Variants in SLC35B1 observed in about 807,000 individuals in gnomAD.
SLC35B1 encodes solute carrier family 35 member B1.
SLC35B1 carries 27 observed loss-of-function variants against 36.6 expected under a neutral mutation model. That is an observed-to-expected ratio of 0.74 (90% CI 0.54 to 1.02). The LOEUF is 1.02. SLC35B1 is among the 50% of genes least tolerant of loss of function. SLC35B1 has a pLI of 0.00. For synonymous variants in SLC35B1, 162 were observed against 152.5 expected (o/e 1.06, Z -0.46); for missense variants, 321 against 383.2 (o/e 0.84, Z 1.35).
In SLC35B1 at chr17:49,706,346, C is replaced by CAAGAAAAAA. The variant is rs2073417369; in HGVS notation, c.209-13_209-12insTTTTTTCTT. 2.7e-6 allele frequency: 2 copies of CAAGAAAAAA among 733,612 alleles called. No individual in the cohort carries two copies. Among genetic ancestry groups the CAAGAAAAAA allele is most frequent in the Non-Finnish European group, 3.3e-6 (2 of 601,618 alleles). The allele number at this position is 733,612 out of a possible 1,614,324, so 45.4% of individuals were successfully genotyped here. A position where few individuals can be genotyped will look rare whatever the true frequency, so the allele number is the denominator to read the frequency against. On this transcript the variant is annotated splice_polypyrimidine_tract_variant and intron_variant, in intron 2 of 8. Coordinates refer to ENST00000240333, the MANE Select transcript of SLC35B1 (RefSeq NM_005827.4). ...AAAAAACTGGATCACTGGGAGAAGA[C>CAAGAAAAAA]AAAAAAAAAAAAAAAAAAAGAAAAG...
chr17:49,708,125 C>A (rs1254563390), upstream of SLC35B1: 2 of 702,914 alleles, frequency 2.8e-6, no homozygotes, highest in Admixed American at 4.1e-5. Context: ...CGAGACTGAT[C>A]CCTCGCCCTG....
At chr17:49,701,583 G>A in intron 8 of SLC35B1, 73 bp from the exon 9 acceptor site, 1 of 1,317,168 alleles carries the variant, frequency 7.6e-7, no homozygotes, top group South Asian at 1.2e-5. Context: ...GGTGGGGTGG[G>A]GTAGTCGGCC....
At chr17:49,705,004 T>G in intron 5 of SLC35B1, 120 bp downstream of exon 5, 2 of 927,444 alleles carry the variant, frequency 2.2e-6, no homozygotes, top group Non-Finnish European at 3.3e-6. Context: ...AGAGCAGATA[T>G]GGGGACAAGG....
At chr17:49,706,882 G>T in intron 2 of SLC35B1, 83 bp downstream of exon 2, 1 of 967,244 alleles carries the variant, frequency 1.0e-6, no homozygotes. Context: ...TAGCCTTTAA[G>T]GTTGAATCAA....
At chr17:49,705,771 G>T in intron 4 of SLC35B1, 95 bp downstream of exon 4, 1 of 1,205,376 alleles carries the variant, frequency 8.3e-7, no homozygotes. Flanking sequence ...AGCCATGATG[G>T]GATGATGAAG....
At position 49,707,934 on chromosome 17, in the gene SLC35B1, A is replaced by T; in HGVS notation, c.-101T>A. ...CAGCCGGACATCGCCGACCGGCGGC[A>T]GGGGCCTCATAGGAGCTGCATGCGA... On this transcript the variant is annotated 5_prime_UTR_variant, in exon 1 of 9. Transcript: ENST00000240333. 6.4e-7 allele frequency: 1 copy of T among 1,562,038 alleles called. No homozygotes were observed. Among genetic ancestry groups the T allele is most frequent in the Non-Finnish European group, 8.7e-7 (1 of 1,153,194 alleles).
Position 49,707,008 on chromosome 17 carries a change from C to T in SLC35B1, c.165G>A (p.Leu55=), listed in dbSNP as rs775720072. Residue 55 remains leucine (L), a synonymous_variant, in exon 2 of 9, where the codon TTG becomes TTA. Coordinates refer to ENST00000240333, the MANE Select transcript of SLC35B1 (RefSeq NM_005827.4). ...KQETFTFALT[L]VFIQCVINAV... ...CATTGATCACACATTGAATGAAGACCAAAGTTAAGGCAAAGGTGAACGTCT... is the reference window on the plus strand; with the variant it reads ...CATTGATCACACATTGAATGAAGACTAAAGTTAAGGCAAAGGTGAACGTCT... The T allele has an allele frequency of 4.3e-6, 7 of 1,613,912 alleles. No individual in the cohort carries two copies. The highest frequency in any genetic ancestry group is 5.9e-6 in the Non-Finnish European group (7 of 1,179,994).
intron 7 of SLC35B1, 67 bp downstream of exon 7, chr17:49,703,121 G>T: frequency 6.3e-7 from 1 of 1,587,364 alleles, no homozygotes; most frequent in Non-Finnish European, 8.6e-7. Context: ...TTCCAGCCAG[G>T]CCAGTCTTTC....
At chr17:49,704,040 A>G in intron 6 of SLC35B1, 60 bp downstream of exon 6, 1 of 1,609,176 alleles carries the variant, frequency 6.2e-7, no homozygotes, top group South Asian at 1.1e-5. Context: ...AGGGATCAAA[A>G]GGATGAGGGC....
At position 49,702,996 on chromosome 17, in the gene SLC35B1, T is replaced by C; in HGVS notation, c.778A>G (p.Thr260Ala). 6.2e-7 allele frequency: 1 copy of C among 1,613,944 alleles called. No individual in the cohort carries two copies. Among genetic ancestry groups the C allele is most frequent in the Non-Finnish European group, 8.5e-7 (1 of 1,179,990 alleles). The stretch of plus-strand genomic sequence containing the variant: ...GTCAGGGGACCAAAATACACAACCG[T>C]CATAAAGATGAAGCTCTAGAGAAAG... ...SALGQSFIFM[T>A]VVYFGPLTCS... Residue 260 changes from threonine to alanine, a missense_variant, in exon 8 of 9, where the codon ACG becomes GCG. Transcript: ENST00000240333.
intron 8 of SLC35B1, chr17:49,701,807 T>C (rs2073353851): frequency 8.7e-6 from 3 of 344,058 alleles, no homozygotes; most frequent in South Asian, 8.2e-5. Context: ...TTCTAGGCTA[T>C]GGCTGAATGT....
At chr17:49,706,422 C>T in intron 2 of SLC35B1, 88 bp from the exon 3 acceptor site, 1 of 1,280,716 alleles carries the variant, frequency 7.8e-7, no homozygotes, top group African/African-American at 1.5e-5. Context: ...TAGGATGGAC[C>T]ACTAAGCAAA....
intron 5 of SLC35B1, 48 bp from the exon 6 acceptor site, chr17:49,704,274 T>C (rs776470367): frequency 6.2e-7 from 1 of 1,600,790 alleles, no homozygotes; most frequent in Admixed American, 1.7e-5. Flanking sequence ...AACAGGGCCC[T>C]TTCCAAACCC....
At position 49,702,927 on chromosome 17, in the gene SLC35B1, C is replaced by T; in HGVS notation, c.847G>A (p.Ala283Thr). ...GGATTGGCGAAGAGGATCACAGAGG[C>T]CAAAATTGTGAAGAACTTTCGAGTT... Reference protein sequence around the residue: ...TTTRKFFTILASVILFANPIS... With the variant: ...TTTRKFFTILTSVILFANPIS... Residue 283 changes from alanine to threonine, a missense_variant, in exon 8 of 9, where the codon GCC (alanine) becomes ACC (threonine). Physicochemically the swap from Ala to Thr is moderately conservative, Grantham distance 58 (BLOSUM62 0). Transcript: ENST00000240333. 6.2e-7 allele frequency: 1 copy of T among 1,613,906 alleles called. No homozygotes were observed. The highest frequency in any genetic ancestry group is 8.5e-7 in the Non-Finnish European group (1 of 1,179,984).
At position 49,703,017 on chromosome 17, in the gene SLC35B1, G is replaced by A. The variant is rs749979040; in HGVS notation, c.763-6C>T. 3 of 1,614,060 alleles carry A rather than the reference G, an allele frequency of 1.9e-6. No individual in the cohort carries two copies. Among genetic ancestry groups the A allele is most frequent in the Non-Finnish European group, 2.5e-6 (3 of 1,180,020 alleles). On this transcript the variant is annotated splice_polypyrimidine_tract_variant and splice_region_variant and intron_variant, in intron 7 of 8. Transcript: ENST00000240333. ...ACCGTCATAAAGATGAAGCTCTAGA[G>A]AAAGATAAAGGTGAGGTCCGGTGGG...
intron 8 of SLC35B1, chr17:49,701,926 C>CAA (rs34701118): frequency 0.022 from 5,638 of 254,148 alleles, 3 homozygotes; most frequent in South Asian, 0.038. Context: ...CCCATCGCTA[C>CAA]AAAAAAAAAA....
At chr17:49,703,463 T>C (rs2143650217) in intron 6 of SLC35B1, 169 bp from the exon 7 acceptor site, 1 of 573,110 alleles carries the variant, frequency 1.7e-6, no homozygotes, top group South Asian at 1.9e-5. Flanking sequence ...CGTCTCATCA[T>C]TGATTCTTCT....
In SLC35B1 at chr17:49,707,951, T is replaced by G; in HGVS notation, c.-118A>C. On this transcript the variant is annotated 5_prime_UTR_variant, in exon 1 of 9. Transcript: ENST00000240333. ...CCGGCGGCAGGGGCCTCATAGGAGC[T>G]GCATGCGACCGCTGTCCAGCAGGGC... 6.4e-7 allele frequency: 1 copy of G among 1,551,170 alleles called. No homozygotes were observed. The highest frequency in any genetic ancestry group is 8.7e-7 in the Non-Finnish European group (1 of 1,147,446).
At chr17:49,705,560 TA>T (rs1245182491) in intron 4 of SLC35B1, 1 of 576,598 alleles carries the variant, frequency 1.7e-6, no homozygotes, top group East Asian at 2.9e-5. Flanking sequence ...GAAGTTGAGA[TA>T]AAGAAACTGA....
Sources: gnomAD v4.1 joint callset for allele counts on GRCh38, gnomAD v4.1.1 for gene constraint, MANE v1.5 for transcripts, NCBI Gene and HGNC (gene_info 2026-07-23, HGNC 2026-07-21) for gene names.